The following UBA6 variants were observed in gnomAD, a reference collection of about 807,000 sequenced individuals.
The protein encoded by UBA6 is ubiquitin like modifier activating enzyme 6.
UBA6 carries 87 observed loss-of-function variants against 148.3 expected under a neutral mutation model. That is an observed-to-expected ratio of 0.59 (90% CI 0.49 to 0.70). The LOEUF is 0.70. Ranked by LOEUF, UBA6 falls within the 30% of genes least tolerant of loss-of-function variation. The pLI, the probability that UBA6 is intolerant of heterozygous loss-of-function variation, is 0.00. For missense variants in UBA6, 1,186 were observed against 1,241.2 expected, an observed-to-expected ratio of 0.96 and a Z score of 0.67; for synonymous variants, 376 against 401.0, an observed-to-expected ratio of 0.94 and a Z score of 0.75.
At chr4:67,698,686 G>A (rs548827136) in intron 1 of UBA6, among the ~76,000 whole-genome samples, 8 of 152,266 alleles carry the variant, frequency 5.3e-5, no homozygotes, top group African/African-American at 1.7e-4. Context: ...TGGGATGGGC[G>A]CGGTGGCTCA....
rs140782779 is a variant in UBA6, at chr4:67,633,463, C to A, written c.2024G>T (p.Ser675Ile). ...AAAACAGCCTTCTAAACTGTGTCCA[C>A]TCTGTATCTTCTAGAATGGGAGAGA... Reference protein sequence around the residue: ...SAEEVLQKIQSGHSLEGCFQV... With the variant: ...SAEEVLQKIQIGHSLEGCFQV... Residue 675 changes from serine to isoleucine, a missense_variant, in exon 23 of 33, where the codon AGT becomes ATT. Transcript: ENST00000322244. 180 of 1,595,560 alleles carry A rather than the reference C, an allele frequency of 1.1e-4. No individual in the cohort carries two copies. The highest frequency in any genetic ancestry group is 1.4e-4 in the Non-Finnish European group (168 of 1,175,346).
intron 19 of UBA6, among the ~76,000 whole-genome samples, chr4:67,635,834 A>G (rs1477543972): frequency 6.6e-6 from 1 of 151,968 alleles, no homozygotes. Flanking sequence ...CCCTTGCTTT[A>G]TATTTCTTCT....
chr4:67,641,878 G>A (rs1246207301), intron 17 of UBA6, among the ~76,000 whole-genome samples: 2 of 152,100 alleles, frequency 1.3e-5, no homozygotes, highest in East Asian at 1.9e-4. Flanking sequence ...TCTAAAGGAC[G>A]CAAGATGAAA....
rs1044288510 is a variant in UBA6 at position 67,617,496 on chromosome 4, C to A, written c.*1501G>T. The A allele has an allele frequency of 6.6e-6, 1 of 152,084 alleles. No individual in the cohort carries two copies. The highest frequency in any genetic ancestry group is 1.5e-5 in the Non-Finnish European group (1 of 67,962). The allele number at this position is 152,084 out of a possible 1,614,324, so 9.4% of individuals were successfully genotyped here. ...TCATCCTATCCACTTTTGCCCACTT[C>A]CCCATGTACAGATTATCCTTTAGTC... On this transcript the variant is annotated 3_prime_UTR_variant, in exon 33 of 33. Coordinates refer to ENST00000322244, the MANE Select transcript of UBA6 (RefSeq NM_018227.6).
At chr4:67,682,498 T>C (rs755368955) in intron 2 of UBA6, among the ~76,000 whole-genome samples, 15 of 152,168 alleles carry the variant, frequency 9.9e-5, no homozygotes, top group African/African-American at 2.9e-4. Flanking sequence ...GCTCCAGATT[T>C]GCCACAATCA....
rs1403877751 is a variant in UBA6, at chr4:67,628,401, C to T, written c.2400+670G>A. Among the ~76,000 whole-genome samples, 16 of 151,824 alleles carry T rather than the reference C, an allele frequency of 1.1e-4. 1 individual carries two copies. The highest frequency in any genetic ancestry group is 3.4e-4 in the African/African-American group (14 of 41,420). ...AAAAGCTTTTCAAGGCCTTTCTCTG[C>T]ACTTATTTCTGCTGCCTACATTGCT... On this transcript the variant is annotated intron_variant, in intron 27 of 32. Transcript: ENST00000322244.
intron 2 of UBA6, among the ~76,000 whole-genome samples, chr4:67,687,732 A>C (rs1730606064): frequency 6.6e-6 from 1 of 152,162 alleles, no homozygotes; most frequent in Non-Finnish European, 1.5e-5. Flanking sequence ...AATATGTGGT[A>C]TTTGGTTTTC....
intron 13 of UBA6, among the ~76,000 whole-genome samples, chr4:67,654,862 GA>G (rs141234627): frequency 0.52 from 69,264 of 132,188 alleles, 17,019 homozygotes; most frequent in East Asian, 0.68. Flanking sequence ...CAAATGGAAA[GA>G]AAAAAAAAAA....
chr4:67,647,920 C>T (rs748183902), intron 14 of UBA6, among the ~76,000 whole-genome samples: 1 of 151,036 alleles, frequency 6.6e-6, no homozygotes, highest in African/African-American at 2.4e-5. Flanking sequence ...ACTACAGGGG[C>T]GTGCCACCAT....
chr4:67,686,857 G>A (rs1017956815), intron 2 of UBA6, among the ~76,000 whole-genome samples: 1 of 149,626 alleles, frequency 6.7e-6, no homozygotes, highest in Admixed American at 6.7e-5. Flanking sequence ...AGGAGGCTGA[G>A]GTGGGAGGAT....
intron 8 of UBA6, among the ~76,000 whole-genome samples, chr4:67,670,035 G>T (rs375484916): frequency 4.6e-5 from 7 of 152,074 alleles, no homozygotes; most frequent in Admixed American, 6.6e-5. Flanking sequence ...TGCAACTTCC[G>T]CCTCCCGGGT....
intron 6 of UBA6, among the ~76,000 whole-genome samples, chr4:67,676,272 C>T (rs1274669762): frequency 2.0e-5 from 3 of 152,146 alleles, no homozygotes; most frequent in Admixed American, 6.5e-5. Flanking sequence ...GATCCGCCCA[C>T]CTCGGCCTCC....
chr4:67,668,515 T>C, intron 9 of UBA6, 36 bp downstream of exon 9: 1 of 1,579,384 alleles, frequency 6.3e-7, no homozygotes, highest in Non-Finnish European at 8.7e-7. Flanking sequence ...ATTTGCTGAA[T>C]AAGTATAAAT....
At chr4:67,670,917 T>A (rs1331097685) in intron 7 of UBA6, among the ~76,000 whole-genome samples, 1 of 152,174 alleles carries the variant, frequency 6.6e-6, no homozygotes, top group African/African-American at 2.4e-5. Context: ...AAGAAATAGA[T>A]AACTCTGGCT....
At chr4:67,666,251 G>A (rs750559840) in intron 9 of UBA6, among the ~76,000 whole-genome samples, 2 of 151,954 alleles carry the variant, frequency 1.3e-5, no homozygotes, top group Non-Finnish European at 2.9e-5. Context: ...ATATTAGGTA[G>A]CTATAAAAGA....
At chr4:67,700,944 C>G in intron 1 of UBA6, 105 bp downstream of exon 1, 1 of 1,433,764 alleles carries the variant, frequency 7.0e-7, no homozygotes, top group Non-Finnish European at 9.7e-7. Context: ...CTGCTCGGCC[C>G]CGCGGCCTCT....
chr4:67,687,455 A>C (rs1577839845), intron 2 of UBA6, among the ~76,000 whole-genome samples: 1 of 152,352 alleles, frequency 6.6e-6, no homozygotes, highest in Middle Eastern at 3.4e-3. Flanking sequence ...ATGAACTCTT[A>C]CATCTGTCTC....
intron 7 of UBA6, among the ~76,000 whole-genome samples, chr4:67,671,439 C>G (rs1577828019): frequency 6.9e-6 from 1 of 145,306 alleles, no homozygotes; most frequent in Non-Finnish European, 1.5e-5. Context: ...ATACATATAG[C>G]TTTTTTTTTT....
chr4:67,677,528 G>T, intron 6 of UBA6, 83 bp downstream of exon 6: 9 of 633,188 alleles, frequency 1.4e-5, no homozygotes, highest in South Asian at 5.1e-5. Flanking sequence ...AATACACTAG[G>T]TTAAATTAGT....
Sources: allele counts gnomAD v4.1 joint callset (sites outside exome capture counted in the v4.1 genomes callset), GRCh38; gene constraint gnomAD v4.1.1; transcripts MANE v1.5; gene names NCBI Gene and HGNC (gene_info 2026-07-23, HGNC 2026-07-21).